MAPK10: variants seen among roughly 807,000 people sequenced by gnomAD.
The protein encoded by MAPK10 is JNK3 alpha protein kinase.
Under a neutral mutation model 59.3 loss-of-function variants are expected in MAPK10, and 25 were observed. That is an observed-to-expected ratio of 0.42 (90% CI 0.31 to 0.59). The LOEUF (loss-of-function observed/expected upper bound fraction) is 0.59. Among genes scored for constraint, MAPK10 ranks in the 20% least tolerant of loss-of-function variants. The pLI is 0.15. For synonymous variants in MAPK10, 190 were observed against 200.5 expected (o/e 0.95, Z 0.44); for missense variants, 351 against 568.9 (o/e 0.62, Z 3.90).
chr4:86,034,793 G>T lies in MAPK10; in HGVS notation c.1111-3362C>A, dbSNP rs570935558. Among the ~76,000 whole-genome samples the T allele has an allele frequency of 2.4e-4, 36 of 152,216 alleles. No homozygotes were observed. In the South Asian group the frequency reaches 6.4e-3, roughly 27 times the overall value. On this transcript the variant is annotated intron_variant, in intron 11 of 13. Transcript: ENST00000641462. The stretch of plus-strand genomic sequence containing the variant: ...GTAAAGTGATGCTTATTCAGTGAGC[G>T]AAAGATGTGTGGGAGGTTGTCAAGA...
At chr4:86,319,518 C>T (rs1166055352) in intron 2 of MAPK10, among the ~76,000 whole-genome samples, 2 of 152,162 alleles carry the variant, frequency 1.3e-5, no homozygotes, top group African/African-American at 4.8e-5. Flanking sequence ...AGAAAGTCAG[C>T]CCCTATTGGT....
intron 2 of MAPK10, among the ~76,000 whole-genome samples, chr4:86,285,005 CAATGAATG>C: frequency 6.6e-6 from 1 of 152,284 alleles, no homozygotes; most frequent in East Asian, 1.9e-4. Flanking sequence ...CATGGCCTTT[CAATGAATG>C]AAAAATCCTT....
chr4:86,537,815 A>C (rs1758363149), intron 1 of MAPK10, among the ~76,000 whole-genome samples: 1 of 152,180 alleles, frequency 6.6e-6, no homozygotes, highest in Non-Finnish European at 1.5e-5. Flanking sequence ...ATAAATGGCC[A>C]TTATTAATTT....
intron 2 of MAPK10, among the ~76,000 whole-genome samples, chr4:86,197,448 G>A (rs1259306588): frequency 2.0e-5 from 3 of 152,128 alleles, no homozygotes; most frequent in Admixed American, 6.6e-5. Flanking sequence ...ATCAGCTTAA[G>A]GAGATTTGGG....
At chr4:86,366,714 G>A (rs1399040030) in intron 1 of MAPK10, among the ~76,000 whole-genome samples, 3 of 152,150 alleles carry the variant, frequency 2.0e-5, no homozygotes, top group African/African-American at 7.2e-5. Flanking sequence ...TCAGCTGCAG[G>A]GACTAATTCA....
At chr4:86,180,488 T>C (rs1398026453) in intron 3 of MAPK10, among the ~76,000 whole-genome samples, 1 of 99,100 alleles carries the variant, frequency 1.0e-5, no homozygotes, top group African/African-American at 5.0e-5. Context: ...TGGGTGTTCA[T>C]CAAAAAAAAA....
At chr4:86,303,921 T>C (rs1326434219) in intron 2 of MAPK10, among the ~76,000 whole-genome samples, 1 of 152,186 alleles carries the variant, frequency 6.6e-6, no homozygotes, top group Non-Finnish European at 1.5e-5. Context: ...AATAGTCTAG[T>C]TGACAGAAAG....
intron 1 of MAPK10, among the ~76,000 whole-genome samples, chr4:86,389,925 C>T (rs1458887651): frequency 1.4e-5 from 2 of 146,672 alleles, no homozygotes; most frequent in East Asian, 2.1e-4. Flanking sequence ...GAACCTCCCT[C>T]TCTCTCTGCC....
At chr4:86,437,228 A>C (rs1480806280) in intron 1 of MAPK10, among the ~76,000 whole-genome samples, 2 of 151,866 alleles carry the variant, frequency 1.3e-5, no homozygotes, top group Non-Finnish European at 2.9e-5. Flanking sequence ...AAAAAAAAAA[A>C]AAAAATGATG....
At chr4:86,095,455 A>G (rs2054044541) in intron 9 of MAPK10, 1 of 151,888 alleles carries the variant, frequency 6.6e-6, no homozygotes, top group African/African-American at 2.4e-5. Flanking sequence ...TTTAATATAA[A>G]TTACTCTGAA....
In MAPK10 at chr4:86,520,662, C is replaced by T. The variant is rs1022047362; in HGVS notation, c.-263+73248G>A. The stretch of plus-strand genomic sequence containing the variant: ...TGAAGCCATAGCTGGAGAGCTAATG[C>T]GATCTTTTGGGGGTGTGATAGAATC... On this transcript the variant is annotated intron_variant, in intron 1 of 4. Transcript: ENST00000502302. Among the ~76,000 whole-genome samples, 7 of 152,224 alleles carry T rather than the reference C, an allele frequency of 4.6e-5. No homozygotes were observed. In the East Asian group the frequency reaches 5.8e-4, roughly 13 times the overall value.
In MAPK10 at chr4:86,013,729, C is replaced by G. The variant is rs957452664; in HGVS notation, c.*3499G>C. The G allele has an allele frequency of 2.0e-5, 3 of 151,954 alleles. No homozygotes were observed. The highest frequency in any genetic ancestry group is 7.3e-5 in the African/African-American group (3 of 41,356). 9.4% of individuals were successfully genotyped at this position (151,954 alleles called of 1,614,324 possible). ...ATCAGTGTCTTTAGATAATATTTTT[C>G]TGATAACAGATTGAAAAAACTATCG... On this transcript the variant is annotated 3_prime_UTR_variant, in exon 14 of 14. Transcript: ENST00000641462.
chr4:86,253,859 A>T (rs1242734421), intron 2 of MAPK10, among the ~76,000 whole-genome samples: 2 of 58,962 alleles, frequency 3.4e-5, no homozygotes, highest in African/African-American at 2.1e-4. Context: ...AGCTCCTGTT[A>T]TTGGTCTATT....
intron 4 of MAPK10, among the ~76,000 whole-genome samples, chr4:86,119,271 G>A (rs1055125408): frequency 3.3e-5 from 5 of 152,074 alleles, no homozygotes; most frequent in Non-Finnish European, 7.4e-5. Context: ...TTTTGCCTTC[G>A]ATTTTCTGCA....
At chr4:86,175,963 A>G (rs1448084091) in intron 3 of MAPK10, 1 of 152,164 alleles carries the variant, frequency 6.6e-6, no homozygotes, top group Non-Finnish European at 1.5e-5. Context: ...AGACATATCT[A>G]TAACCAAATA....
chr4:86,319,464 T>C (rs1184497544), intron 2 of MAPK10, among the ~76,000 whole-genome samples: 2 of 152,188 alleles, frequency 1.3e-5, no homozygotes, highest in African/African-American at 4.8e-5. Context: ...TTCTAAGTCA[T>C]TCCATTGTAA....
intron 6 of MAPK10, 173 bp from the exon 7 acceptor site, chr4:86,102,205 C>G (rs1014049149): frequency 3.9e-5 from 20 of 513,398 alleles, no homozygotes; most frequent in Middle Eastern, 5.0e-4. Context: ...TATACGAACC[C>G]TACCAAAAGG....
chr4:86,486,240 A>G (rs998641345), intron 1 of MAPK10, among the ~76,000 whole-genome samples: 1 of 152,204 alleles, frequency 6.6e-6, no homozygotes, highest in Non-Finnish European at 1.5e-5. Flanking sequence ...CTGGGCCATT[A>G]TCACACTTGT....
chr4:86,537,035 G>A (rs904698790), intron 1 of MAPK10, among the ~76,000 whole-genome samples: 1 of 152,170 alleles, frequency 6.6e-6, no homozygotes, highest in Non-Finnish European at 1.5e-5. Flanking sequence ...AGGAGGGTAC[G>A]CAGGCATGAG....
Sources: gnomAD v4.1 joint callset for allele counts (sites outside exome capture counted in the v4.1 genomes callset) on GRCh38, gnomAD v4.1.1 for gene constraint, MANE v1.5 for transcripts, NCBI Gene and HGNC (gene_info 2026-07-23, HGNC 2026-07-21) for gene names.